The following ITPKB variants were observed in gnomAD, a reference collection of about 807,000 sequenced individuals.
ITPKB encodes the protein inositol-trisphosphate 3-kinase B, also known as IP3 3-kinase B.
Under a neutral mutation model 69.4 loss-of-function variants are expected in ITPKB, and 13 were observed. That is an observed-to-expected ratio of 0.19 (90% confidence interval 0.12 to 0.30). The LOEUF is 0.30. Among genes scored for constraint, ITPKB ranks in the 10% least tolerant of loss-of-function variants. The pLI is 1.00. For synonymous variants in ITPKB, 584 were observed against 513.7 expected, an observed-to-expected ratio of 1.14 and a Z score of -1.85; for missense variants, 1,240 against 1,250.5, an observed-to-expected ratio of 0.99 and a Z score of 0.13.
At chr1:226,703,866 G>T (rs1212671010) in intron 2 of ITPKB, among the ~76,000 whole-genome samples, 1 of 152,196 alleles carries the variant, frequency 6.6e-6, no homozygotes, top group Non-Finnish European at 1.5e-5. Context: ...TTGTAGGGTT[G>T]AACTGTAGGT....
At chr1:226,716,928 T>A (rs1657110342) in intron 2 of ITPKB, among the ~76,000 whole-genome samples, 1 of 152,218 alleles carries the variant, frequency 6.6e-6, no homozygotes, top group Admixed American at 6.5e-5. Flanking sequence ...TGTGATAGAT[T>A]GTTTATACAA....
chr1:226,689,042 A>C (rs969894095), intron 2 of ITPKB, among the ~76,000 whole-genome samples: 1 of 152,132 alleles, frequency 6.6e-6, no homozygotes, highest in African/African-American at 2.4e-5. Context: ...GCCCTCTCCA[A>C]GGAGAGACGT....
chr1:226,695,628 G>A (rs529025190), intron 2 of ITPKB, among the ~76,000 whole-genome samples: 2 of 152,152 alleles, frequency 1.3e-5, no homozygotes, highest in Admixed American at 6.5e-5. Context: ...CACACCTGCC[G>A]CAGACCTGAC....
At chr1:226,670,521 C>A (rs747590798) in intron 2 of ITPKB, among the ~76,000 whole-genome samples, 58 of 152,290 alleles carry the variant, frequency 3.8e-4, no homozygotes, top group African/African-American at 1.3e-3. Flanking sequence ...GAGGCACATC[C>A]TTGGGATGGA....
chr1:226,717,044 T>C (rs1657113157), intron 2 of ITPKB, among the ~76,000 whole-genome samples: 1 of 152,222 alleles, frequency 6.6e-6, no homozygotes, highest in African/African-American at 2.4e-5. Context: ...AGGACTAAGA[T>C]GCTTTATTTC....
At chr1:226,729,722 G>A (rs1242411413) in intron 2 of ITPKB, among the ~76,000 whole-genome samples, 5 of 151,808 alleles carry the variant, frequency 3.3e-5, no homozygotes, top group Non-Finnish European at 7.4e-5. Context: ...GGGATTACAG[G>A]TGTGTGCCAC....
At chr1:226,694,342 T>G (rs1038383922) in intron 2 of ITPKB, among the ~76,000 whole-genome samples, 3 of 152,246 alleles carry the variant, frequency 2.0e-5, no homozygotes, top group Non-Finnish European at 2.9e-5. Context: ...TAACAGACCC[T>G]TAAGAACATT....
At chr1:226,670,309 A>T (rs924317535) in intron 2 of ITPKB, among the ~76,000 whole-genome samples, 30 of 152,124 alleles carry the variant, frequency 2.0e-4, no homozygotes, top group African/African-American at 7.0e-4. Flanking sequence ...TTGGGAAAGC[A>T]GCCCAGGAAT....
At chr1:226,646,212 C>T (rs973937471) in intron 4 of ITPKB, among the ~76,000 whole-genome samples, 27 of 152,224 alleles carry the variant, frequency 1.8e-4, no homozygotes, top group African/African-American at 6.3e-4. Flanking sequence ...CCGTCCAGCC[C>T]GGGTGCTGCA....
At chr1:226,688,648 C>A (rs1656272224) in intron 2 of ITPKB, among the ~76,000 whole-genome samples, 1 of 152,224 alleles carries the variant, frequency 6.6e-6, no homozygotes, top group Admixed American at 6.5e-5. Context: ...GTCAGCTGTG[C>A]CAGAGCAGCC....
intron 2 of ITPKB, among the ~76,000 whole-genome samples, chr1:226,663,666 T>C (rs1003048870): frequency 2.0e-5 from 3 of 152,020 alleles, no homozygotes; most frequent in Non-Finnish European, 4.4e-5. Context: ...ACTATATGCA[T>C]ATACCACCAT....
intron 2 of ITPKB, among the ~76,000 whole-genome samples, chr1:226,669,354 G>A (rs1255941208): frequency 1.3e-5 from 2 of 151,514 alleles, no homozygotes; most frequent in East Asian, 1.9e-4. Context: ...CGGAGATCGC[G>A]CCATTGAATT....
intron 2 of ITPKB, among the ~76,000 whole-genome samples, chr1:226,659,838 C>A (rs115319776): frequency 0.012 from 1,763 of 152,222 alleles, 39 homozygotes; most frequent in African/African-American, 0.041. Flanking sequence ...TCTGTCCTAA[C>A]CTTCTCTATG....
At chr1:226,699,091 G>A (rs1425099596) in intron 2 of ITPKB, among the ~76,000 whole-genome samples, 4 of 152,198 alleles carry the variant, frequency 2.6e-5, no homozygotes, top group African/African-American at 9.7e-5. Context: ...TAAGGAAGCA[G>A]CCCTGGCTTT....
At chr1:226,700,213 G>A (rs1268992346) in intron 2 of ITPKB, among the ~76,000 whole-genome samples, 4 of 152,116 alleles carry the variant, frequency 2.6e-5, no homozygotes, top group African/African-American at 4.8e-5. Flanking sequence ...GCTTATGCCT[G>A]TAATCCCAGG....
rs1435972762 is a variant in ITPKB at position 226,735,712 on chromosome 1, C to T, written c.1747G>A (p.Glu583Lys). 1 of 1,589,378 alleles carries T rather than the reference C, an allele frequency of 6.3e-7. No individual in the cohort carries two copies. Among genetic ancestry groups the T allele is most frequent in the Non-Finnish European group, 8.6e-7 (1 of 1,165,726 alleles). ...CCCCGAGGGCTTCCCTGCGTCTCCT[C>T]CAAGGCCCCATCCTCCTGGGTGCCC... ...DMGTQEDGAL[E>K]ETQGSPRGNL... The change falls in exon 2 of 8, where the codon GAG becomes AAG. Residue 583 changes from glutamate (E) to lysine (K), a missense_variant. This residue lies in a region of ITPKB where 992 missense variants were observed against 853.8 expected (regional missense o/e 1.16). Coordinates refer to ENST00000429204, the MANE Select transcript of ITPKB (RefSeq NM_002221.4).
At chr1:226,636,357 TA>T (rs1668836786) in intron 7 of ITPKB, among the ~76,000 whole-genome samples, 1 of 152,208 alleles carries the variant, frequency 6.6e-6, no homozygotes, top group Non-Finnish European at 1.5e-5. Context: ...AGCTCCCTGC[TA>T]GGGGCACAGC....
intron 7 of ITPKB, among the ~76,000 whole-genome samples, chr1:226,635,763 T>C (rs1027570930): frequency 4.6e-5 from 7 of 152,212 alleles, no homozygotes; most frequent in Admixed American, 6.5e-5. Context: ...TATAGGGCCT[T>C]CCCAGCCTGG....
intron 2 of ITPKB, among the ~76,000 whole-genome samples, chr1:226,703,818 C>T (rs1656738526): frequency 6.6e-6 from 1 of 152,236 alleles, no homozygotes; most frequent in African/African-American, 2.4e-5. Flanking sequence ...GGATGTGTTT[C>T]AGTCTGGGTT....
Sources: allele counts gnomAD v4.1 joint callset (sites outside exome capture counted in the v4.1 genomes callset), GRCh38; gene constraint gnomAD v4.1.1; regional missense constraint gnomAD v4.1.1; transcripts MANE v1.5; gene names NCBI Gene and HGNC (gene_info 2026-07-23, HGNC 2026-07-21).